TULP4: variants seen among roughly 807,000 people sequenced by gnomAD.
TULP4 encodes TUB like protein 4.
In TULP4, 16 loss-of-function variants were observed where a neutral mutation model predicts 129.0. The ratio of observed to expected loss-of-function variants is 0.12; its 90% CI spans 0.08 to 0.19. The LOEUF is 0.19. Among genes scored for constraint, TULP4 ranks in the 10% least tolerant of loss-of-function variants. The pLI, the probability that TULP4 is intolerant of heterozygous loss-of-function variation, is 1.00. For missense variants in TULP4, 1,842 were observed against 2,059.1 expected, an observed-to-expected ratio of 0.89 and a Z score of 2.04; for synonymous variants, 998 against 854.0, an observed-to-expected ratio of 1.17 and a Z score of -2.94.
Position 158,452,453 on chromosome 6 carries a change from C to T in TULP4, c.859+185C>T, listed in dbSNP as rs1471867567. Among the ~76,000 whole-genome samples the T allele has an allele frequency of 2.6e-5, 4 of 152,332 alleles. No individual in the cohort carries two copies. In the South Asian group the frequency reaches 8.3e-4, roughly 32 times the overall value. ...CCTTTGCTTATCTGATAAGTCCATA[C>T]CTAGTCTTATCTCAAAGGGAGATTC... On this transcript the variant is annotated intron_variant, in intron 5 of 13. Transcript: ENST00000367097.
Position 158,314,133 on chromosome 6 carries a change from C to G in TULP4, c.117C>G (p.Arg39=). Reference sequence around the variant, plus strand: ...AGGAGAAGCCTGTGTGCAGGAGACGCTACTATGAGGAAGGCTGGCTGGCCA... The same window carrying G: ...AGGAGAAGCCTGTGTGCAGGAGACGGTACTATGAGGAAGGCTGGCTGGCCA... The part of the protein sequence containing the change: ...SEKEKPVCRR[R]YYEEGWLATG... Residue 39 remains arginine, a synonymous_variant, in exon 1 of 14, where the codon CGC becomes CGG. Coordinates refer to ENST00000367097, the MANE Select transcript of TULP4 (RefSeq NM_020245.5). 1.9e-6 allele frequency: 3 copies of G among 1,614,160 alleles called. No individual in the cohort carries two copies. The highest frequency in any genetic ancestry group is 2.5e-6 in the Non-Finnish European group (3 of 1,180,028).
chr6:158,232,760 G>T (rs547296061), intron 1 of TULP4, among the ~76,000 whole-genome samples: 5 of 152,186 alleles, frequency 3.3e-5, no homozygotes, highest in Admixed American at 3.3e-4. Flanking sequence ...CGTCGGGCCC[G>T]AGCGGCTTCC....
rs762008581 is a variant in TULP4, at chr6:158,502,156, A to T, written c.2493A>T (p.Ile831=). The T allele has an allele frequency of 1.9e-6, 3 of 1,593,838 alleles. No individual in the cohort carries two copies. The highest frequency in any genetic ancestry group is 1.7e-5 in the Admixed American group (1 of 57,926). Residue 831 remains isoleucine, a synonymous_variant, in exon 13 of 14, where the codon ATA becomes ATT. Transcript: ENST00000367097. ...SAPQEVQVTK[I]NPPPPYPGTI... ...CCCAGGAGGTCCAGGTGACGAAGATAAACCCTCCACCCCCGTACCCAGGAA... is the reference window on the plus strand; with the variant it reads ...CCCAGGAGGTCCAGGTGACGAAGATTAACCCTCCACCCCCGTACCCAGGAA...
chr6:158,326,885 A>T (rs1007197352), intron 1 of TULP4, among the ~76,000 whole-genome samples: 4 of 152,198 alleles, frequency 2.6e-5, no homozygotes, highest in African/African-American at 9.6e-5. Context: ...TCAAATACGG[A>T]TCAAAAATAC....
intron 1 of TULP4, among the ~76,000 whole-genome samples, chr6:158,322,753 C>G (rs1440125336): frequency 1.3e-5 from 2 of 152,158 alleles, no homozygotes; most frequent in Non-Finnish European, 2.9e-5. Context: ...GTATTTGCCA[C>G]TGTCGGGGGG....
At chr6:158,445,726 G>A (rs139642988) in intron 3 of TULP4, among the ~76,000 whole-genome samples, 2 of 152,286 alleles carry the variant, frequency 1.3e-5, no homozygotes, top group East Asian at 3.9e-4. Context: ...TGCTTGATGG[G>A]GTCTGGTTGT....
At chr6:158,444,364 G>A (rs181472462) in intron 3 of TULP4, among the ~76,000 whole-genome samples, 175 of 148,222 alleles carry the variant, frequency 1.2e-3, no homozygotes, top group Admixed American at 2.5e-3. Context: ...CTACACATGC[G>A]TGCCACCAGA....
At chr6:158,297,241 A>T (rs1044924960) in intron 1 of TULP4, among the ~76,000 whole-genome samples, 2 of 152,180 alleles carry the variant, frequency 1.3e-5, no homozygotes, top group Non-Finnish European at 2.9e-5. Flanking sequence ...ACGTCCATTT[A>T]TAGGCTCTCT....
Position 158,255,902 on chromosome 6 carries a change from A to T in TULP4, n.68+23599A>T, listed in dbSNP as rs147183807. On this transcript the variant is annotated intron_variant and non_coding_transcript_variant, in intron 1 of 1. Transcript: ENST00000620026. ...AGAATTGATCTAGTCAGAAGGTCAG[A>T]GGTGGCTTCCCTGGGGAAATGCAGA... Among the ~76,000 whole-genome samples the T allele has an allele frequency of 5.0e-3, 755 of 152,326 alleles. 6 individuals carry two copies. The highest frequency in any genetic ancestry group is 0.017 in the African/African-American group (711 of 41,564).
At chr6:158,431,179 C>T (rs1029068479) in intron 3 of TULP4, among the ~76,000 whole-genome samples, 1 of 152,082 alleles carries the variant, frequency 6.6e-6, no homozygotes, top group African/African-American at 2.4e-5. Context: ...GTTTTTACTA[C>T]CCCCGAGTCT....
At chr6:158,476,676 G>C (rs1174469373) in intron 6 of TULP4, among the ~76,000 whole-genome samples, 1 of 152,156 alleles carries the variant, frequency 6.6e-6, no homozygotes, top group African/African-American at 2.4e-5. Flanking sequence ...TAAACAGCCT[G>C]TTTCTCTTCC....
chr6:158,340,732 C>G (rs913996601), intron 1 of TULP4, among the ~76,000 whole-genome samples: 34 of 152,164 alleles, frequency 2.2e-4, no homozygotes, highest in African/African-American at 7.5e-4. Context: ...TCCAGAGAGT[C>G]CTTCGCAGGC....
At chr6:158,279,465 C>T (rs1184334808), upstream of TULP4, among the ~76,000 whole-genome samples, 7 of 152,202 alleles carry the variant, frequency 4.6e-5, no homozygotes, top group South Asian at 8.3e-4. Flanking sequence ...CATGGGAAGA[C>T]GGTAATATTC....
chr6:158,279,217 C>T (rs766993801), upstream of TULP4, among the ~76,000 whole-genome samples: 8 of 152,108 alleles, frequency 5.3e-5, no homozygotes, highest in Non-Finnish European at 8.8e-5. Flanking sequence ...GCTGGGATTA[C>T]AGGCTTGAGC....
At position 158,453,485 on chromosome 6, in the gene TULP4, C is replaced by CAAAAAA. The variant is rs869146924; in HGVS notation, c.859+1236_859+1241dup. The stretch of plus-strand genomic sequence containing the variant: ...GGTGACAGAGCGAGACTCTGTCTCA[C>CAAAAAA]AAAAAAAAAAAAAAAAAAAAAAAAG... On this transcript the variant is annotated intron_variant, in intron 5 of 13. Transcript: ENST00000367097. Among the ~76,000 whole-genome samples the CAAAAAA allele has an allele frequency of 1.6e-3, 29 of 17,976 alleles. 1 individual carries two copies. Among genetic ancestry groups the CAAAAAA allele is most frequent in the African/African-American group, 2.7e-3 (13 of 4,794 alleles). 11.8% of individuals were successfully genotyped at this position (17,976 alleles called of 152,430 possible).
At chr6:158,452,417 C>T (rs1779182204) in intron 5 of TULP4, 149 bp downstream of exon 5, 1 of 968,542 alleles carries the variant, frequency 1.0e-6, no homozygotes, top group Admixed American at 2.9e-5. Context: ...TAAAGCCACT[C>T]CCTCTTCACT....
intron 9 of TULP4, among the ~76,000 whole-genome samples, chr6:158,491,014 C>T (rs983084932): frequency 3.3e-5 from 5 of 152,102 alleles, no homozygotes; most frequent in Admixed American, 6.5e-5. Flanking sequence ...TGGACATGTG[C>T]GCTCATTTCT....
chr6:158,387,075 G>C (rs1777465315), intron 1 of TULP4, among the ~76,000 whole-genome samples: 4 of 152,122 alleles, frequency 2.6e-5, no homozygotes, highest in Non-Finnish European at 5.9e-5. Flanking sequence ...TGAGAGAGTG[G>C]GTAAGTGTGT....
chr6:158,475,844 G>T (rs1165661309), intron 6 of TULP4, among the ~76,000 whole-genome samples: 2 of 152,236 alleles, frequency 1.3e-5, no homozygotes. Flanking sequence ...CAGAACATTT[G>T]TAGCGAGGGC....
Sources: gnomAD v4.1 joint callset for allele counts (sites outside exome capture counted in the v4.1 genomes callset) on GRCh38, gnomAD v4.1.1 for gene constraint, MANE v1.5 for transcripts, NCBI Gene and HGNC (gene_info 2026-07-23, HGNC 2026-07-21) for gene names.